The following FCSK variants were observed in gnomAD, a reference collection of about 807,000 sequenced individuals.
FCSK encodes fucose kinase.
In FCSK, 123 loss-of-function variants were observed where a neutral mutation model predicts 122.5. The ratio of observed to expected loss-of-function variants is 1.00; its 90% CI spans 0.87 to 1.17. The LOEUF is 1.17. Ranked by LOEUF, FCSK falls within the 50% of genes most tolerant of loss-of-function variation. The probability of loss-of-function intolerance (pLI) is 0.00; values close to 1 mark genes in which losing one functional copy is unlikely to be tolerated. For missense variants in FCSK, 1,366 were observed against 1,450.4 expected (o/e 0.94, Z 0.95); for synonymous variants, 620 against 625.5 (o/e 0.99, Z 0.13).
intron 1 of FCSK, among the ~76,000 whole-genome samples, chr16:70,461,687 G>T (rs1367623537): frequency 8.2e-6 from 1 of 122,522 alleles, no homozygotes; most frequent in East Asian, 1.9e-4. Flanking sequence ...TGAGGAGCCT[G>T]GGGGGTGGGG....
intron 8 of FCSK, among the ~76,000 whole-genome samples, chr16:70,468,373 T>A (rs956397797): frequency 6.6e-6 from 1 of 152,202 alleles, no homozygotes; most frequent in East Asian, 1.9e-4. Flanking sequence ...TGAGCAGAGA[T>A]CGTGCCACTG....
chr16:70,479,376 C>G lies in FCSK; in HGVS notation c.3126C>G (p.Ala1042=). 1 of 1,613,726 alleles carries G rather than the reference C, an allele frequency of 6.2e-7. No homozygotes were observed. The highest frequency in any genetic ancestry group is 8.5e-7 in the Non-Finnish European group (1 of 1,179,972). Residue 1042 remains alanine (A), a synonymous_variant, in exon 23 of 24, where the codon GCC becomes GCG. Transcript: ENST00000288078. ...CCAAGGAGCCACAGCAAAAGGAGGC[C>G]TTGGAGGCGGTGCTGGCCAAGACCG... The part of the protein sequence containing the change: ...LLTKEPQQKE[A]LEAVLAKTEG...
intron 2 of FCSK, 120 bp downstream of exon 2, chr16:70,463,392 C>G (rs1319315405): frequency 2.1e-6 from 2 of 932,496 alleles, no homozygotes; most frequent in Admixed American, 2.2e-5. Context: ...GCACTTCTCC[C>G]TAGCCATGTG....
chr16:70,467,789 T>C (rs1327288556), intron 7 of FCSK, 97 bp from the exon 8 acceptor site: 8 of 1,040,976 alleles, frequency 7.7e-6, no homozygotes, highest in Non-Finnish European at 1.2e-5. Context: ...GTCCTCAGCT[T>C]TCCTTTGGAG....
At chr16:70,474,005 T>A (rs755409830) in intron 15 of FCSK, 124 bp from the exon 16 acceptor site, 2 of 847,302 alleles carry the variant, frequency 2.4e-6, no homozygotes, top group Non-Finnish European at 3.7e-6. Flanking sequence ...AAAGATACAT[T>A]GTGGGCAAAA....
At position 70,474,658 on chromosome 16, in the gene FCSK, G is replaced by C; in HGVS notation, c.2119G>C (p.Val707Leu). ...GGAACTGCCGGGACCTGGGCAGTGG[G>C]TGGTGGCTGAGTGCCCGGCCCGTGT... ...QVELPGPGQW[V>L]VAECPARVDF... The change falls in exon 17 of 24, where the codon GTG (valine) becomes CTG (leucine). Residue 707 changes from valine to leucine, a missense_variant. Physicochemically the swap from Val to Leu is conservative, Grantham distance 32. Transcript: ENST00000288078. The C allele has an allele frequency of 6.2e-7, 1 of 1,601,724 alleles. No individual in the cohort carries two copies. The highest frequency in any genetic ancestry group is 8.5e-7 in the Non-Finnish European group (1 of 1,174,732).
Position 70,468,980 on chromosome 16 carries a change from A to G in FCSK, c.783+12A>G. The G allele has an allele frequency of 6.2e-7, 1 of 1,612,036 alleles. No individual in the cohort carries two copies. On this transcript the variant is annotated intron_variant, in intron 9 of 23. Coordinates refer to ENST00000288078, the MANE Select transcript of FCSK (RefSeq NM_145059.3). Reference sequence around the variant, plus strand: ...CCCGGCCTGTCCAGGTGACTGGGGGAGGGCAGCTAGGTGGGGCCTGGCTTG... The same window carrying G: ...CCCGGCCTGTCCAGGTGACTGGGGGGGGGCAGCTAGGTGGGGCCTGGCTTG...
chr16:70,474,967 G>C lies in FCSK; in HGVS notation c.2333G>C (p.Arg778Pro), dbSNP rs766961706. Residue 778 changes from arginine to proline, a missense_variant, in exon 18 of 24, where the codon CGG becomes CCG. Physicochemically the swap from Arg to Pro is moderately radical, Grantham distance 103 (BLOSUM62 -2). Transcript: ENST00000288078. ...QDEMTVKIVCRCLADLRDYCQ... is the reference protein window; with the variant it reads ...QDEMTVKIVCPCLADLRDYCQ... Reference sequence around the variant, plus strand: ...GAGATGACTGTGAAGATAGTGTGCCGGTGCCTGGCTGACCTGCGGGACTAC... The same window carrying C: ...GAGATGACTGTGAAGATAGTGTGCCCGTGCCTGGCTGACCTGCGGGACTAC... The C allele has an allele frequency of 1.2e-5, 19 of 1,610,402 alleles. No homozygotes were observed. The highest frequency in any genetic ancestry group is 1.6e-5 in the Non-Finnish European group (19 of 1,178,950).
At chr16:70,460,249 C>T (rs989841934) in intron 1 of FCSK, among the ~76,000 whole-genome samples, 1 of 151,164 alleles carries the variant, frequency 6.6e-6, no homozygotes, top group Non-Finnish European at 1.5e-5. Flanking sequence ...GTAGCTGGGA[C>T]TACAGGCACC....
At chr16:70,463,845 G>C in intron 3 of FCSK, 71 bp downstream of exon 3, 1 of 1,471,596 alleles carries the variant, frequency 6.8e-7, no homozygotes, top group South Asian at 1.3e-5. Flanking sequence ...GAGATCCCCA[G>C]CTCCTCTGGC....
intron 1 of FCSK, among the ~76,000 whole-genome samples, chr16:70,458,798 C>T (rs567568162): frequency 4.6e-5 from 7 of 152,108 alleles, no homozygotes; most frequent in Non-Finnish European, 1.0e-4. Context: ...TTTGTTTAGG[C>T]TTTGTCATAA....
chr16:70,468,027 T>A, intron 8 of FCSK, 61 bp downstream of exon 8: 2 of 1,265,452 alleles, frequency 1.6e-6, no homozygotes, highest in South Asian at 1.2e-5. Context: ...GGAGGGAGGG[T>A]CTGACTTCCT....
In FCSK at chr16:70,474,705, T is replaced by G; in HGVS notation, c.2155+11T>G. On this transcript the variant is annotated intron_variant, in intron 17 of 23. Transcript: ENST00000288078. ...GTGTGGATTTCTCTGGTGAGCCCCT[T>G]GTGGCAGGTGGGGTTGAGGGTAGCT... The G allele has an allele frequency of 6.3e-7, 1 of 1,594,288 alleles. No homozygotes were observed. Among genetic ancestry groups the G allele is most frequent in the Non-Finnish European group, 8.5e-7 (1 of 1,170,362 alleles).
intron 5 of FCSK, 152 bp downstream of exon 5, chr16:70,466,409 G>T: frequency 1.1e-6 from 1 of 941,128 alleles, no homozygotes; most frequent in Non-Finnish European, 1.5e-6. Context: ...GAAGTTAGTT[G>T]TGTCTGGGGG....
chr16:70,474,768 G>T, intron 17 of FCSK, 22 bp from the exon 18 acceptor site: 1 of 1,557,654 alleles, frequency 6.4e-7, no homozygotes. Context: ...TGACCAGCTT[G>T]AGTCTTGCCA....
chr16:70,466,354 G>A, intron 5 of FCSK, 97 bp downstream of exon 5: 1 of 1,490,962 alleles, frequency 6.7e-7, no homozygotes, highest in Non-Finnish European at 9.1e-7. Flanking sequence ...TCAGCTGGGA[G>A]AAGGAATGGT....
chr16:70,478,109 G>A (rs2048870795), intron 20 of FCSK, 163 bp from the exon 21 acceptor site: 2 of 655,154 alleles, frequency 3.1e-6, no homozygotes, highest in South Asian at 1.9e-5. Context: ...CCCTTGCTGG[G>A]ATTGTTCTGG....
intron 1 of FCSK, among the ~76,000 whole-genome samples, chr16:70,460,912 G>A (rs138946989): frequency 2.0e-5 from 3 of 152,318 alleles, no homozygotes; most frequent in Non-Finnish European, 4.4e-5. Context: ...AGGGTTAGAC[G>A]TGCCTACGGC....
Position 70,473,301 on chromosome 16 carries a change from G to C in FCSK, c.1725G>C (p.Trp575Cys). 1.3e-6 allele frequency: 2 copies of C among 1,525,834 alleles called. No individual in the cohort carries two copies. The highest frequency in any genetic ancestry group is 1.8e-6 in the Non-Finnish European group (2 of 1,136,290). 94.5% of individuals were successfully genotyped at this position (1,525,834 alleles called of 1,614,324 possible). A position where few individuals can be genotyped will look rare whatever the true frequency, so the allele number is the denominator to read the frequency against. ...RQDLSLRPLI[W>C]AAVREGCPGP... is the part of the protein sequence containing the mutation. ...ACCTCAGCCTGCGCCCGCTGATCTGGGCTGCTGTCCGCGAGGGCTGCCCCG... is the reference window on the plus strand; with the variant it reads ...ACCTCAGCCTGCGCCCGCTGATCTGCGCTGCTGTCCGCGAGGGCTGCCCCG... Residue 575 changes from tryptophan to cysteine, a missense_variant, in exon 15 of 24, where the codon TGG (tryptophan) becomes TGC (cysteine). Coordinates refer to ENST00000288078, the MANE Select transcript of FCSK (RefSeq NM_145059.3). This position sits in a 1 kb window ranked among gnomAD's most constrained non-coding sequence, Gnocchi z 4.9.
Sources: allele counts gnomAD v4.1 joint callset (sites outside exome capture counted in the v4.1 genomes callset), GRCh38; gene constraint gnomAD v4.1.1; non-coding constraint Gnocchi (gnomAD v3.1); transcripts MANE v1.5; gene names NCBI Gene and HGNC (gene_info 2026-07-23, HGNC 2026-07-21).